The following NTRK3 variants were observed in gnomAD, a reference collection of about 807,000 sequenced individuals.
The protein encoded by NTRK3 is neurotrophic receptor tyrosine kinase 3, also known as NT-3 growth factor receptor.
Under a neutral mutation model 91.7 loss-of-function variants are expected in NTRK3, and 24 were observed. The observed-to-expected ratio is 0.26, with a 90% CI of 0.19 to 0.37. The LOEUF is 0.37. Ranked by LOEUF, NTRK3 falls within the 10% of genes least tolerant of loss-of-function variation. NTRK3 has a pLI of 1.00. For missense variants in NTRK3, 880 were observed against 1,068.9 expected, an observed-to-expected ratio of 0.82 and a Z score of 2.46; for synonymous variants, 483 against 404.0, an observed-to-expected ratio of 1.20 and a Z score of -2.34.
chr15:88,074,062 C>G lies in NTRK3; in HGVS notation c.1397-41017G>C, dbSNP rs535519823. Reference sequence around the variant, plus strand: ...TCTGTCTCTCCGGAATATGCAGGTGCTACCAGCCCCTGATGAACACCGACC... The same window carrying G: ...TCTGTCTCTCCGGAATATGCAGGTGGTACCAGCCCCTGATGAACACCGACC... On this transcript the variant is annotated intron_variant, in intron 13 of 18. Coordinates refer to ENST00000394480, the Ensembl canonical transcript of NTRK3. 5.9e-5 allele frequency among the ~76,000 whole-genome samples: 9 copies of G among 152,294 alleles called. No homozygotes were observed. In the South Asian group the frequency reaches 1.5e-3, roughly 25 times the overall value.
intron 14 of NTRK3, among the ~76,000 whole-genome samples, chr15:88,023,199 A>G (rs1472783536): frequency 6.6e-6 from 1 of 152,182 alleles, no homozygotes; most frequent in Admixed American, 6.5e-5. Context: ...TATGTATACT[A>G]AAGTTCAAGC....
intron 3 of NTRK3, among the ~76,000 whole-genome samples, chr15:88,246,256 G>A (rs1248440195): frequency 6.6e-6 from 1 of 152,262 alleles, no homozygotes; most frequent in Non-Finnish European, 1.5e-5. Context: ...AGCCAGTCCA[G>A]GCAGGGCCCA....
intron 13 of NTRK3, among the ~76,000 whole-genome samples, chr15:88,114,234 C>T (rs1236357211): frequency 6.6e-6 from 1 of 152,174 alleles, no homozygotes; most frequent in Admixed American, 6.5e-5. Context: ...ATGGGTCTCA[C>T]ATCTGCTTTG....
intron 10 of NTRK3, among the ~76,000 whole-genome samples, chr15:88,134,774 C>T (rs2041713710): frequency 6.6e-6 from 1 of 152,196 alleles, no homozygotes; most frequent in South Asian, 2.1e-4. Flanking sequence ...AACTATCAGG[C>T]CCAGAGTCTC....
chr15:88,002,862 C>T (rs2076216902), intron 14 of NTRK3, among the ~76,000 whole-genome samples: 1 of 152,082 alleles, frequency 6.6e-6, no homozygotes, highest in African/African-American at 2.4e-5. Flanking sequence ...GCAGACTCCC[C>T]AAGCCAGAGA....
intron 17 of NTRK3, among the ~76,000 whole-genome samples, chr15:87,916,857 G>T (rs1395004141): frequency 1.3e-5 from 2 of 151,828 alleles, no homozygotes; most frequent in Non-Finnish European, 2.9e-5. Flanking sequence ...TGCCTTCTGG[G>T]TTCAAGTGAT....
chr15:88,255,358 C>G lies in NTRK3; in HGVS notation c.248+548G>C, dbSNP rs2053921015. 6.6e-6 allele frequency among the ~76,000 whole-genome samples: 1 copy of G among 152,166 alleles called. No individual in the cohort carries two copies. Among genetic ancestry groups the G allele is most frequent in the African/African-American group, 2.4e-5 (1 of 41,444 alleles). On this transcript the variant is annotated intron_variant, in intron 3 of 18. Transcript: ENST00000394480. The surrounding 1 kb of genome is among the most constrained non-coding windows in gnomAD (Gnocchi z 4.3). ...ACGTCCAAAGTCTCCCCGCGAGCAG[C>G]CAGCTCGCAACTTGTTTACTTGTCA...
intron 13 of NTRK3, among the ~76,000 whole-genome samples, chr15:88,075,603 G>T (rs770995326): frequency 3.0e-4 from 46 of 151,734 alleles, no homozygotes; most frequent in Non-Finnish European, 6.2e-4. Context: ...CTTTATGTTT[G>T]TTGTTGTTGT....
chr15:87,940,509 G>C, intron 15 of NTRK3, 114 bp downstream of exon 15: 1 of 1,517,996 alleles, frequency 6.6e-7, no homozygotes, highest in Non-Finnish European at 9.1e-7. Context: ...TCCTTTGATT[G>C]CATCTGAGAA....
intron 12 of NTRK3, 65 bp from the exon 13 acceptor site, chr15:88,126,438 T>C: frequency 9.2e-7 from 1 of 1,092,394 alleles, no homozygotes. Context: ...TTGAAAATAA[T>C]GTGTGTGCCC....
intron 17 of NTRK3, among the ~76,000 whole-genome samples, chr15:87,922,556 T>A (rs6496456): frequency 2.0e-5 from 3 of 151,970 alleles, no homozygotes; most frequent in South Asian, 2.1e-4. Context: ...GCCCTGAACC[T>A]TCAAAAAACA....
intron 3 of NTRK3, among the ~76,000 whole-genome samples, chr15:88,191,390 GT>G (rs1245011963): frequency 6.6e-6 from 1 of 152,194 alleles, no homozygotes; most frequent in Non-Finnish European, 1.5e-5. Context: ...GTTATACCAT[GT>G]TGGCCAGGCT....
chr15:87,916,538 A>G lies in NTRK3; in HGVS notation c.2133+12653T>C, dbSNP rs183360645. 11 of 702,376 alleles carry G rather than the reference A, an allele frequency of 1.6e-5. No homozygotes were observed. In the East Asian group the frequency reaches 2.4e-4, roughly 15 times the overall value. The allele number at this position is 702,376 out of a possible 1,614,324, so 43.5% of individuals were successfully genotyped here. On this transcript the variant is annotated intron_variant, in intron 17 of 18. Transcript: ENST00000394480. ...ATCTTCCCCGTCTTTTTTCCCCAGT[A>G]TCAGTCCTCATGCCTGCACAACCTT...
chr15:88,035,359 G>T (rs535662302), intron 13 of NTRK3, among the ~76,000 whole-genome samples: 1 of 152,262 alleles, frequency 6.6e-6, no homozygotes, highest in Non-Finnish European at 1.5e-5. Flanking sequence ...AACTCAGAAG[G>T]CTCAGGAGAG....
intron 5 of NTRK3, among the ~76,000 whole-genome samples, chr15:88,173,167 T>C (rs1231421858): frequency 6.6e-6 from 1 of 152,088 alleles, no homozygotes; most frequent in Non-Finnish European, 1.5e-5. Flanking sequence ...GGGGCTGGGA[T>C]ATGGAAAGAA....
chr15:87,940,389 A>T (rs1257059262), intron 15 of NTRK3, among the ~76,000 whole-genome samples: 1 of 152,188 alleles, frequency 6.6e-6, no homozygotes, highest in Non-Finnish European at 1.5e-5. Context: ...CATTTACAAG[A>T]ATAAACTTGC....
chr15:88,227,553 C>T (rs980970371), intron 3 of NTRK3, among the ~76,000 whole-genome samples: 17 of 152,122 alleles, frequency 1.1e-4, no homozygotes, highest in Non-Finnish European at 1.8e-4. Flanking sequence ...GCAAGAAGGC[C>T]GCCATCTGCA....
intron 3 of NTRK3, among the ~76,000 whole-genome samples, chr15:88,197,320 TAGAC>T (rs943887632): frequency 5.3e-5 from 8 of 152,136 alleles, no homozygotes; most frequent in African/African-American, 1.4e-4. Flanking sequence ...GCTTCTATCT[TAGAC>T]AGCCTCATGC....
intron 14 of NTRK3, among the ~76,000 whole-genome samples, chr15:87,967,959 C>A (rs900095143): frequency 4.6e-5 from 7 of 152,304 alleles, no homozygotes; most frequent in Non-Finnish European, 7.4e-5. Flanking sequence ...ATTTCAGAAT[C>A]TGCTTGTGCC....
Sources: gnomAD v4.1 joint callset for allele counts (sites outside exome capture counted in the v4.1 genomes callset) on GRCh38, gnomAD v4.1.1 for gene constraint, Gnocchi (gnomAD v3.1) non-coding constraint, MANE v1.5 for transcripts, NCBI Gene and HGNC (gene_info 2026-07-23, HGNC 2026-07-21) for gene names.